The following ANO4 variants were observed in gnomAD, a reference collection of about 807,000 sequenced individuals.
ANO4 encodes anoctamin-4.
Under a neutral mutation model 141.9 loss-of-function variants are expected in ANO4, and 69 were observed. That is an observed-to-expected ratio of 0.49 (90% CI 0.40 to 0.59). The LOEUF (loss-of-function observed/expected upper bound fraction) is 0.59, where lower values mean the gene tolerates loss of function less well. ANO4 is among the 20% of genes least tolerant of loss of function. The probability of loss-of-function intolerance (pLI) is 0.00; values close to 1 mark genes in which losing one functional copy is unlikely to be tolerated. For synonymous variants in ANO4, 350 were observed against 394.3 expected (o/e 0.89, Z 1.33); for missense variants, 894 against 1,162.2 (o/e 0.77, Z 3.36).
Position 100,887,511 on chromosome 12 carries a change from G to A in ANO4, c.-140-14135G>A, listed in dbSNP as rs113042811. ...TAAAGGAGAAACCAAATGACCCTGG[G>A]TTTCTTTCTTTTTTTTTTTTCTTTC... On this transcript the variant is annotated intron_variant, in intron 1 of 27. Coordinates refer to ENST00000392977, the MANE Select transcript of ANO4 (RefSeq NM_001286615.2). Among the ~76,000 whole-genome samples, 1,371 of 143,772 alleles carry A rather than the reference G, an allele frequency of 9.5e-3. 9 individuals are homozygous for A. Among genetic ancestry groups the A allele is most frequent in the Non-Finnish European group, 0.016 (1,053 of 65,936 alleles). The allele number at this position is 143,772 out of a possible 152,430, so 94.3% of individuals were successfully genotyped here.
intron 2 of ANO4, among the ~76,000 whole-genome samples, chr12:100,915,497 A>G (rs77919721): frequency 0.049 from 7,439 of 152,174 alleles, 195 homozygotes; most frequent in East Asian, 0.099. Flanking sequence ...CACACTCCCC[A>G]TCTTTTCTGT....
chr12:100,936,404 A>G (rs999766450), intron 3 of ANO4, among the ~76,000 whole-genome samples: 1 of 152,156 alleles, frequency 6.6e-6, no homozygotes, highest in African/African-American at 2.4e-5. Flanking sequence ...AATGACAATA[A>G]ATATATCTCC....
In ANO4 at chr12:100,829,554, A is replaced by G. The variant is rs138006734; in HGVS notation, c.-141+34527A>G. Among the ~76,000 whole-genome samples, 760 of 152,210 alleles carry G rather than the reference A, an allele frequency of 5.0e-3. 21 individuals carry two copies. Among genetic ancestry groups the G allele is most frequent in the Non-Finnish European group, 1.4e-3 (94 of 67,974 alleles). On this transcript the variant is annotated intron_variant, in intron 1 of 27. Coordinates refer to ENST00000392977, the MANE Select transcript of ANO4 (RefSeq NM_001286615.2). The stretch of plus-strand genomic sequence containing the variant: ...TAGTACAATGTGTATGTAAATCACT[A>G]GTAGGAATTCTGTCATTAGAATTTT...
intron 17 of ANO4, among the ~76,000 whole-genome samples, chr12:101,092,848 C>T (rs1447677232): frequency 6.6e-6 from 1 of 152,050 alleles, no homozygotes. Context: ...TTGTGAAAGA[C>T]ATAAAAGATA....
chr12:101,087,266 C>G (rs1376814617), intron 17 of ANO4, among the ~76,000 whole-genome samples: 1 of 151,914 alleles, frequency 6.6e-6, no homozygotes, highest in Non-Finnish European at 1.5e-5. Flanking sequence ...GCCTATAATA[C>G]CAGCATTTTG....
intron 3 of ANO4, among the ~76,000 whole-genome samples, chr12:100,938,388 G>T (rs2042373113): frequency 6.6e-6 from 1 of 152,198 alleles, no homozygotes; most frequent in Admixed American, 6.5e-5. Flanking sequence ...AAATGTTTTT[G>T]AATGAAAGAA....
chr12:100,944,614 GT>G (rs928675540), intron 5 of ANO4, among the ~76,000 whole-genome samples: 2 of 151,538 alleles, frequency 1.3e-5, no homozygotes, highest in African/African-American at 4.9e-5. Context: ...TTCTTCACAA[GT>G]GACCTCTCCC....
Position 101,054,952 on chromosome 12 carries a change from G to A in ANO4, c.1312+6551G>A, listed in dbSNP as rs879202278. 4.6e-5 allele frequency among the ~76,000 whole-genome samples: 7 copies of A among 152,170 alleles called. 1 individual carries two copies. In the South Asian group the frequency reaches 8.3e-4, roughly 18 times the overall value. On this transcript the variant is annotated intron_variant, in intron 14 of 27. Coordinates refer to ENST00000392977, the MANE Select transcript of ANO4 (RefSeq NM_001286615.2). ...TTTGTGTCTGGCTACTTTCACTTCA[G>A]TTAATGCTGTTGAGATTCATTTATG...
intron 26 of ANO4, among the ~76,000 whole-genome samples, chr12:101,121,096 A>G (rs2051071005): frequency 6.6e-6 from 1 of 152,158 alleles, no homozygotes; most frequent in Admixed American, 6.5e-5. Flanking sequence ...TTTTAGATAC[A>G]GTGGGTACAT....
At chr12:100,728,616 C>A (rs1437390836) in intron 1 of ANO4, among the ~76,000 whole-genome samples, 1 of 152,006 alleles carries the variant, frequency 6.6e-6, no homozygotes, top group African/African-American at 2.4e-5. Flanking sequence ...AGAGTTATAC[C>A]TTAAAAGAGT....
intron 3 of ANO4, among the ~76,000 whole-genome samples, chr12:100,750,628 AT>A (rs1271543874): frequency 6.6e-6 from 1 of 152,186 alleles, no homozygotes; most frequent in African/African-American, 2.4e-5. Flanking sequence ...TACTGTTTTT[AT>A]CAAAACACGC....
At chr12:100,819,126 T>TTGC (rs397940876) in intron 1 of ANO4, among the ~76,000 whole-genome samples, 1 of 151,412 alleles carries the variant, frequency 6.6e-6, no homozygotes, top group Admixed American at 6.6e-5. Context: ...GAATTTTTTT[T>TTGC]GTCTAGTAGG....
At chr12:101,038,554 T>C (rs771570208) in intron 10 of ANO4, 16 of 152,242 alleles carry the variant, frequency 1.1e-4, no homozygotes, top group Non-Finnish European at 2.4e-4. Context: ...GCAGCAATCA[T>C]TGCATCATTG....
At chr12:100,717,288 T>C (rs1243083099), upstream of ANO4, among the ~76,000 whole-genome samples, 3 of 151,700 alleles carry the variant, frequency 2.0e-5, no homozygotes, top group East Asian at 3.9e-4. Flanking sequence ...GGAGCGCGGC[T>C]GCCGGTCTAC....
chr12:100,867,265 T>G lies in ANO4; in HGVS notation c.-140-34381T>G, dbSNP rs1407044130. Among the ~76,000 whole-genome samples the G allele has an allele frequency of 2.6e-5, 4 of 152,170 alleles. No individual in the cohort carries two copies. In the East Asian group the frequency reaches 7.7e-4, roughly 29 times the overall value. ...GACCATCTTGTATCAGTCAAGGTTC[T>G]CCAGAGAACCAGAATCAGTATATTG... On this transcript the variant is annotated intron_variant, in intron 1 of 27. Transcript: ENST00000392977.
intron 3 of ANO4, among the ~76,000 whole-genome samples, chr12:100,923,368 T>C (rs1194292751): frequency 1.4e-5 from 2 of 144,896 alleles, no homozygotes; most frequent in Non-Finnish European, 3.0e-5. Context: ...TTCCCACCTA[T>C]GAGTGAGAAC....
At chr12:101,032,762 A>T (rs899016870) in intron 9 of ANO4, among the ~76,000 whole-genome samples, 2 of 151,564 alleles carry the variant, frequency 1.3e-5, no homozygotes, top group Admixed American at 6.6e-5. Flanking sequence ...TCAAAACCAC[A>T]ATGAGATATC....
In ANO4 at chr12:100,809,386, CA is replaced by C. The variant is rs113154732; in HGVS notation, c.-141+14373del. The stretch of plus-strand genomic sequence containing the variant: ...TGGGCGACAGAGCAAGATTCTGTCT[CA>C]AAAAAAAAAAAAAGGGTAATGTGCT... On this transcript the variant is annotated intron_variant, in intron 1 of 27. Coordinates refer to ENST00000392977, the MANE Select transcript of ANO4 (RefSeq NM_001286615.2). 1.7e-3 allele frequency among the ~76,000 whole-genome samples: 238 copies of C among 137,326 alleles called. 1 individual carries two copies. The highest frequency in any genetic ancestry group is 2.3e-3 in the East Asian group (11 of 4,720). The allele number at this position is 137,326 out of a possible 152,430, so 90.1% of individuals were successfully genotyped here.
At chr12:101,068,659 G>T (rs879027146) in intron 14 of ANO4, 1 of 1,308,300 alleles carries the variant, frequency 7.6e-7, no homozygotes, top group Non-Finnish European at 1.1e-6. Context: ...GCAAGAGAAT[G>T]ACTTCCTTAT....
Sources: allele counts gnomAD v4.1 joint callset (sites outside exome capture counted in the v4.1 genomes callset), GRCh38; gene constraint gnomAD v4.1.1; transcripts MANE v1.5; gene names NCBI Gene and HGNC (gene_info 2026-07-23, HGNC 2026-07-21).